The following FAF1 variants were observed in gnomAD, a reference collection of about 807,000 sequenced individuals.
The protein encoded by FAF1 is FAS-associated factor 1.
A neutral mutation model predicts 92.5 loss-of-function variants in FAF1; 25 were observed. The observed-to-expected ratio is 0.27, with a 90% CI of 0.20 to 0.38. FAF1 has a LOEUF of 0.38. Among genes scored for constraint, FAF1 ranks in the 10% least tolerant of loss-of-function variants. The probability of loss-of-function intolerance (pLI) is 1.00; values close to 1 mark genes in which losing one functional copy is unlikely to be tolerated. For synonymous variants in FAF1, 234 were observed against 273.2 expected (o/e 0.86, Z 1.42); for missense variants, 636 against 793.3 (o/e 0.80, Z 2.38).
intron 2 of FAF1, among the ~76,000 whole-genome samples, chr1:50,827,514 C>G (rs1160646756): frequency 1.3e-5 from 2 of 152,150 alleles, no homozygotes. Flanking sequence ...GGACCTCTGC[C>G]TAGGAAAACC....
At chr1:50,640,040 A>C (rs969433613) in intron 8 of FAF1, among the ~76,000 whole-genome samples, 3 of 151,824 alleles carry the variant, frequency 2.0e-5, no homozygotes, top group Non-Finnish European at 2.9e-5. Flanking sequence ...TTCATGTACT[A>C]TTCTTTTTAT....
intron 15 of FAF1, among the ~76,000 whole-genome samples, chr1:50,528,391 T>C (rs767851047): frequency 6.6e-6 from 1 of 152,194 alleles, no homozygotes; most frequent in Non-Finnish European, 1.5e-5. Context: ...AACAGAGAGG[T>C]AGATCATTAG....
At chr1:50,452,592 G>A (rs920003241) in intron 18 of FAF1, among the ~76,000 whole-genome samples, 1 of 152,154 alleles carries the variant, frequency 6.6e-6, no homozygotes, top group Non-Finnish European at 1.5e-5. Flanking sequence ...TGTATAAAAG[G>A]TTGGTCCATA....
chr1:50,764,261 T>A (rs1261197647), intron 4 of FAF1, among the ~76,000 whole-genome samples: 1 of 152,206 alleles, frequency 6.6e-6, no homozygotes, highest in Middle Eastern at 3.2e-3. Context: ...CAGTACTAAC[T>A]GTACCCTGTG....
intron 13 of FAF1, among the ~76,000 whole-genome samples, chr1:50,554,639 G>A (rs1243479820): frequency 6.6e-6 from 1 of 151,964 alleles, no homozygotes. Flanking sequence ...AAATCACTCT[G>A]ATCAGATTAT....
At chr1:50,926,858 T>A (rs1274975000) in intron 1 of FAF1, among the ~76,000 whole-genome samples, 1 of 152,200 alleles carries the variant, frequency 6.6e-6, no homozygotes, top group East Asian at 1.9e-4. Context: ...CCAAAATGTA[T>A]AAACAACTCA....
At chr1:50,490,433 AAGGAAGGAAGGAAGGAAGGAAGGAAG>A (rs1346285087) in intron 17 of FAF1, among the ~76,000 whole-genome samples, 129 bp downstream of exon 17, 89 of 125,158 alleles carry the variant, frequency 7.1e-4, no homozygotes, top group Admixed American at 9.5e-4. Context: ...GGAAGGAAGG[AAGGAAGGAAGGAAGGAAGGAAGGAAG>A]GAAAAAGAAA....
intron 7 of FAF1, among the ~76,000 whole-genome samples, chr1:50,672,935 T>C (rs1655960730): frequency 6.6e-6 from 1 of 151,880 alleles, no homozygotes; most frequent in Non-Finnish European, 1.5e-5. Flanking sequence ...CTGGGCAACA[T>C]GGCAAAACCG....
chr1:50,551,893 T>C (rs1387837148), intron 13 of FAF1, among the ~76,000 whole-genome samples: 1 of 152,180 alleles, frequency 6.6e-6, no homozygotes, highest in African/African-American at 2.4e-5. Flanking sequence ...AATACTTACA[T>C]GTAGATAAAT....
At chr1:50,839,017 A>T (rs1354068981) in intron 2 of FAF1, among the ~76,000 whole-genome samples, 1 of 152,156 alleles carries the variant, frequency 6.6e-6, no homozygotes, top group Non-Finnish European at 1.5e-5. Flanking sequence ...TACCAGGCAC[A>T]CCTATGACCT....
At chr1:50,800,024 T>C (rs963865132) in intron 3 of FAF1, among the ~76,000 whole-genome samples, 4 of 152,306 alleles carry the variant, frequency 2.6e-5, no homozygotes, top group South Asian at 4.1e-4. Flanking sequence ...GATTTTCTCA[T>C]GTAGACATAT....
chr1:50,941,957 C>T (rs1047755704), intron 1 of FAF1, among the ~76,000 whole-genome samples: 6 of 152,160 alleles, frequency 3.9e-5, no homozygotes, highest in Non-Finnish European at 8.8e-5. Context: ...CTGAGTACTG[C>T]CTAGCATACC....
At chr1:50,715,451 A>C (rs949612890) in intron 6 of FAF1, among the ~76,000 whole-genome samples, 2 of 152,146 alleles carry the variant, frequency 1.3e-5, no homozygotes, top group South Asian at 4.1e-4. Context: ...AAACAAACAG[A>C]TAAATAAATA....
chr1:50,692,946 C>CTTCA (rs1657004552), intron 7 of FAF1, among the ~76,000 whole-genome samples: 1 of 151,990 alleles, frequency 6.6e-6, no homozygotes, highest in African/African-American at 2.4e-5. Flanking sequence ...TGTAAGAGTT[C>CTTCA]TTCATATATC....
intron 8 of FAF1, among the ~76,000 whole-genome samples, chr1:50,631,731 T>C (rs1653799185): frequency 6.6e-6 from 1 of 152,230 alleles, no homozygotes; most frequent in Admixed American, 6.5e-5. Flanking sequence ...GTGCAAAAGT[T>C]ACAACCACAA....
intron 4 of FAF1, among the ~76,000 whole-genome samples, chr1:50,755,110 A>G (rs1660024762): frequency 6.6e-6 from 1 of 152,010 alleles, no homozygotes; most frequent in Admixed American, 6.6e-5. Flanking sequence ...CAGTCCCCCA[A>G]AGTCTTAACT....
intron 16 of FAF1, among the ~76,000 whole-genome samples, chr1:50,491,362 C>T (rs1646837103): frequency 6.6e-6 from 1 of 152,174 alleles, no homozygotes; most frequent in Non-Finnish European, 1.5e-5. Flanking sequence ...CTTCAAAGCT[C>T]AACACAGAAG....
At chr1:50,562,058 G>C (rs1280818612) in intron 13 of FAF1, among the ~76,000 whole-genome samples, 1 of 152,156 alleles carries the variant, frequency 6.6e-6, no homozygotes. Context: ...CCTGACTGAG[G>C]CAAGAGAAGG....
chr1:50,643,791 C>T (rs897495834), intron 8 of FAF1, among the ~76,000 whole-genome samples: 7 of 152,114 alleles, frequency 4.6e-5, no homozygotes, highest in Non-Finnish European at 7.4e-5. Flanking sequence ...TGGGGTTTCG[C>T]CATGTTGGCC....
Sources: allele counts gnomAD v4.1 joint callset (sites outside exome capture counted in the v4.1 genomes callset), GRCh38; gene constraint gnomAD v4.1.1; transcripts MANE v1.5; gene names NCBI Gene and HGNC (gene_info 2026-07-23, HGNC 2026-07-21).